The following PARD3 variants were observed in gnomAD, a reference collection of about 807,000 sequenced individuals.
PARD3 encodes the protein partitioning defective 3 homolog.
In PARD3, 75 loss-of-function variants were observed where a neutral mutation model predicts 155.4. That is an observed-to-expected ratio of 0.48 (90% CI 0.40 to 0.58). The LOEUF (loss-of-function observed/expected upper bound fraction) is 0.58, where lower values mean the gene tolerates loss of function less well. Ranked by LOEUF, PARD3 falls within the 20% of genes least tolerant of loss-of-function variation. The probability of loss-of-function intolerance (pLI) is 0.00; values close to 1 mark genes in which losing one functional copy is unlikely to be tolerated. For synonymous variants in PARD3, 576 were observed against 610.5 expected (o/e 0.94, Z 0.83); for missense variants, 1,642 against 1,721.7 (o/e 0.95, Z 0.82).
chr10:34,581,161 A>G (rs991858307), intron 2 of PARD3, among the ~76,000 whole-genome samples: 7 of 151,934 alleles, frequency 4.6e-5, no homozygotes, highest in East Asian at 1.9e-4. Flanking sequence ...CTTTAAATAT[A>G]AATTAATATT....
intron 3 of PARD3, among the ~76,000 whole-genome samples, chr10:34,488,372 T>G (rs1463545013): frequency 1.3e-5 from 2 of 152,106 alleles, no homozygotes; most frequent in South Asian, 4.1e-4. Flanking sequence ...CAGGCTGGAG[T>G]GCAGTGATGC....
intron 2 of PARD3, among the ~76,000 whole-genome samples, chr10:34,628,591 A>C (rs768916775): frequency 1.3e-5 from 2 of 152,234 alleles, no homozygotes; most frequent in Non-Finnish European, 2.9e-5. Context: ...ACTTGGCCTT[A>C]GCCGTTGGGG....
intron 2 of PARD3, among the ~76,000 whole-genome samples, chr10:34,660,068 G>A (rs1040588572): frequency 6.6e-6 from 1 of 152,152 alleles, no homozygotes; most frequent in Non-Finnish European, 1.5e-5. Context: ...AAATGCATAT[G>A]TTTTCCCCAA....
chr10:34,257,686 ATATT>A (rs1350437577), intron 22 of PARD3, among the ~76,000 whole-genome samples: 1 of 152,274 alleles, frequency 6.6e-6, no homozygotes, highest in Non-Finnish European at 1.5e-5. Flanking sequence ...TTTCTGCAGA[ATATT>A]TAAACTTCCT....
intron 1 of PARD3, among the ~76,000 whole-genome samples, chr10:34,805,288 C>G (rs1172020079): frequency 1.3e-5 from 2 of 152,048 alleles, no homozygotes; most frequent in African/African-American, 4.8e-5. Flanking sequence ...ACCCAGGAGG[C>G]AGAGGTTGCA....
At chr10:34,615,519 C>T (rs188014134) in intron 2 of PARD3, among the ~76,000 whole-genome samples, 18 of 152,202 alleles carry the variant, frequency 1.2e-4, no homozygotes, top group Admixed American at 2.6e-4. Flanking sequence ...CAAACAAACA[C>T]AGGAAAAAGG....
chr10:34,284,336 G>A, intron 20 of PARD3, 91 bp from the exon 21 acceptor site: 4 of 710,732 alleles, frequency 5.6e-6, no homozygotes, highest in Non-Finnish European at 9.5e-6. Flanking sequence ...TGAAATGAAT[G>A]TTAGCTTCTT....
chr10:34,510,265 C>T (rs919451619), intron 3 of PARD3, among the ~76,000 whole-genome samples: 2 of 152,148 alleles, frequency 1.3e-5, no homozygotes, highest in African/African-American at 4.8e-5. Context: ...CCAATCAGAG[C>T]ACACTCAAGC....
intron 22 of PARD3, among the ~76,000 whole-genome samples, chr10:34,161,687 G>A (rs1346199571): frequency 6.6e-6 from 1 of 152,132 alleles, no homozygotes; most frequent in Non-Finnish European, 1.5e-5. Flanking sequence ...AAAGGAAAGT[G>A]GCAACTCTGG....
intron 7 of PARD3, among the ~76,000 whole-genome samples, chr10:34,398,583 A>T (rs1373146030): frequency 6.6e-6 from 1 of 152,212 alleles, no homozygotes; most frequent in African/African-American, 2.4e-5. Context: ...ACAAGTTCAG[A>T]CTCATGGGAA....
intron 2 of PARD3, among the ~76,000 whole-genome samples, chr10:34,591,846 C>T (rs1474710309): frequency 6.6e-6 from 1 of 152,150 alleles, no homozygotes; most frequent in Non-Finnish European, 1.5e-5. Flanking sequence ...ACACTTAAAA[C>T]CTAAACATGC....
At chr10:34,132,892 G>C (rs1947687037) in intron 22 of PARD3, among the ~76,000 whole-genome samples, 1 of 152,106 alleles carries the variant, frequency 6.6e-6, no homozygotes, top group Non-Finnish European at 1.5e-5. Context: ...GTGGCAGAAT[G>C]GTGCGGCAGA....
chr10:34,806,197 A>ATT (rs34269930), intron 1 of PARD3, among the ~76,000 whole-genome samples: 2,152 of 130,312 alleles, frequency 0.017, 71 homozygotes, highest in African/African-American at 0.05. Flanking sequence ...TGTCTGGCTA[A>ATT]TTTTTTTTTT....
At chr10:34,227,883 T>TATATATATATATATATATATATAC (rs1491222875) in intron 22 of PARD3, among the ~76,000 whole-genome samples, 6 of 130,440 alleles carry the variant, frequency 4.6e-5, no homozygotes, top group African/African-American at 1.7e-4. Flanking sequence ...TATATATATA[T>TATATATATATATATATATATATAC]ACTGGGAATA....
chr10:34,375,015 A>C lies in PARD3; in HGVS notation c.1540-13T>G. 3 of 1,610,682 alleles carry C rather than the reference A, an allele frequency of 1.9e-6. No individual in the cohort carries two copies. The highest frequency in any genetic ancestry group is 2.5e-6 in the Non-Finnish European group (3 of 1,178,118). On this transcript the variant is annotated splice_polypyrimidine_tract_variant and intron_variant, in intron 10 of 24. Coordinates refer to ENST00000374788, the MANE Select transcript of PARD3 (RefSeq NM_001184785.2). ...CTACTCCATTTACCTAAAACAAAAC[A>C]AAAGTTTTCAGCTGTAATCCTGTGG...
chr10:34,599,679 G>A (rs950501844), intron 2 of PARD3, among the ~76,000 whole-genome samples: 3 of 152,076 alleles, frequency 2.0e-5, no homozygotes, highest in East Asian at 3.8e-4. Context: ...TTCATAATTC[G>A]AATGACCTTA....
intron 20 of PARD3, among the ~76,000 whole-genome samples, chr10:34,298,115 G>C (rs1043359689): frequency 3.9e-5 from 6 of 152,156 alleles, no homozygotes; most frequent in Admixed American, 3.9e-4. Context: ...AAGATGAAAT[G>C]AATTATTCAG....
chr10:34,814,756 G>GA, intron 1 of PARD3, 120 bp downstream of exon 1: 1 of 878,762 alleles, frequency 1.1e-6, no homozygotes, highest in Non-Finnish European at 1.6e-6. Context: ...GGCCCGACCG[G>GA]CCGCACTTTC....
At chr10:34,342,366 G>GT (rs1836917775) in intron 15 of PARD3, among the ~76,000 whole-genome samples, 1 of 152,194 alleles carries the variant, frequency 6.6e-6, no homozygotes, top group African/African-American at 2.4e-5. Flanking sequence ...AATTGCCTGG[G>GT]TTACTGGGGG....
Sources: gnomAD v4.1 joint callset for allele counts (sites outside exome capture counted in the v4.1 genomes callset) on GRCh38, gnomAD v4.1.1 for gene constraint, MANE v1.5 for transcripts, NCBI Gene and HGNC (gene_info 2026-07-23, HGNC 2026-07-21) for gene names.